The following MIB2 variants were observed in gnomAD, a reference collection of about 807,000 sequenced individuals.
The protein encoded by MIB2 is E3 ubiquitin-protein ligase MIB2.
A neutral mutation model predicts 96.6 loss-of-function variants in MIB2; 78 were observed. The ratio of observed to expected loss-of-function variants is 0.81; its 90% CI spans 0.67 to 0.97. The LOEUF is 0.97. Ranked by LOEUF, MIB2 falls within the 50% of genes least tolerant of loss-of-function variation. The pLI is 0.00. For missense variants in MIB2, 1,543 were observed against 1,424.0 expected (o/e 1.08, Z -1.35); for synonymous variants, 820 against 629.5 (o/e 1.30, Z -4.53).
rs866969028 is a variant in MIB2, at chr1:1,630,308, G to A, written c.2646G>A (p.Ala882=). 5 of 1,519,400 alleles carry A rather than the reference G, an allele frequency of 3.3e-6. No homozygotes were observed. The highest frequency in any genetic ancestry group is 2.1e-4 in the Middle Eastern group (1 of 4,700). 94.1% of individuals were successfully genotyped at this position (1,519,400 alleles called of 1,614,324 possible). The change falls in exon 20 of 20, where the codon GCG becomes GCA. Residue 882 remains alanine, a synonymous_variant. Coordinates refer to ENST00000355826, the MANE Select transcript of MIB2 (RefSeq NM_001170687.4). Reference sequence around the variant, plus strand: ...ACCCCGCAGACGGCTCTGAGGTGGCGAGCGCCGCCCCCGCCCCCGGCCCGC... The same window carrying A: ...ACCCCGCAGACGGCTCTGAGGTGGCAAGCGCCGCCCCCGCCCCCGGCCCGC... ...KKLRPDGSEV[A]SAAPAPGPPR...
At chr1:1,615,742 C>A in intron 1 of MIB2, 109 bp downstream of exon 1, 1 of 1,471,364 alleles carries the variant, frequency 6.8e-7, no homozygotes, top group South Asian at 1.3e-5. Flanking sequence ...GCTGGCCCAG[C>A]AGCCCCGGGC....
chr1:1,626,702 C>G lies in MIB2; in HGVS notation c.1025C>G (p.Thr342Arg). The G allele has an allele frequency of 6.2e-7, 1 of 1,601,808 alleles. No homozygotes were observed. The highest frequency in any genetic ancestry group is 8.5e-7 in the Non-Finnish European group (1 of 1,173,892). ...DVVRVIGDLD[T>R]VKRLQAGHGE... ...GTCCGGGTCATCGGCGACCTTGACA[C>G]AGTGAAGCGGCTGCAGGCTGGGCAT... Residue 342 changes from threonine to arginine, a missense_variant, in exon 9 of 20, where the codon ACA becomes AGA. Thr to Arg is a moderately conservative substitution (Grantham distance 71). Transcript: ENST00000355826. This position sits in a 1 kb window ranked among gnomAD's most constrained non-coding sequence, Gnocchi z 5.3.
chr1:1,628,704 C>T lies in MIB2; in HGVS notation c.2184C>T (p.Pro728=). The T allele has an allele frequency of 1.3e-6, 2 of 1,551,490 alleles. No homozygotes were observed. The highest frequency in any genetic ancestry group is 1.7e-6 in the Non-Finnish European group (2 of 1,148,814). Residue 728 remains proline, a synonymous_variant, in exon 16 of 20, where the codon CCC becomes CCT. Transcript: ENST00000355826. Reference sequence around the variant, plus strand: ...ATGGGGCCGGGGGGGACCCAGGGCCCTTGCAGCTGCTGTCCAGGGTGAGGA... The same window carrying T: ...ATGGGGCCGGGGGGGACCCAGGGCCTTTGCAGCTGCTGTCCAGGGTGAGGA... ...VADGAGGDPG[P]LQLLSRLQAS... is the part of the protein sequence containing the mutation.
In MIB2 at chr1:1,625,229, C is replaced by T; in HGVS notation, c.721+44C>T. On this transcript the variant is annotated intron_variant, in intron 6 of 19. Coordinates refer to ENST00000355826, the MANE Select transcript of MIB2 (RefSeq NM_001170687.4). The surrounding 1 kb of genome is among the most constrained non-coding windows in gnomAD (Gnocchi z 5.0). Reference sequence around the variant, plus strand: ...GACTCCATCAGCCCTCCTGCCTTGGCTGAAGTCCCAGAGGGGAGGGGCCGC... The same window carrying T: ...GACTCCATCAGCCCTCCTGCCTTGGTTGAAGTCCCAGAGGGGAGGGGCCGC... 1 of 1,602,146 alleles carries T rather than the reference C, an allele frequency of 6.2e-7. No homozygotes were observed. The highest frequency in any genetic ancestry group is 8.5e-7 in the Non-Finnish European group (1 of 1,174,476).
rs1644767948 is a variant in MIB2, at chr1:1,626,412, C to T, written c.973-238C>T. On this transcript the variant is annotated intron_variant, in intron 8 of 19. Coordinates refer to ENST00000355826, the MANE Select transcript of MIB2 (RefSeq NM_001170687.4). The surrounding 1 kb of genome is among the most constrained non-coding windows in gnomAD (Gnocchi z 5.3). ...CGGCTTCACACCTGCCCAGAGCTGG[C>T]TTCTGTCTGCCTGGACACTCCTCCC... 1 of 535,506 alleles carries T rather than the reference C, an allele frequency of 1.9e-6. No homozygotes were observed. The highest frequency in any genetic ancestry group is 3.3e-6 in the Non-Finnish European group (1 of 305,220). 33.2% of individuals were successfully genotyped at this position (535,506 alleles called of 1,614,324 possible). A position where few individuals can be genotyped will look rare whatever the true frequency, so the allele number is the denominator to read the frequency against.
At chr1:1,623,241 C>T (rs1569726167) in intron 2 of MIB2, 190 bp from the exon 3 acceptor site, 1 of 992,816 alleles carries the variant, frequency 1.0e-6, no homozygotes, top group Non-Finnish European at 1.4e-6. Flanking sequence ...GCCTTTCCCA[C>T]CGGCCTCCCT....
Position 1,623,683 on chromosome 1 carries a change from C to T in MIB2, c.231C>T (p.Tyr77=), listed in dbSNP as rs757579085. 3.0e-5 allele frequency: 45 copies of T among 1,494,446 alleles called. No individual in the cohort carries two copies. In the East Asian group the frequency reaches 5.2e-4, roughly 17 times the overall value. The allele number at this position is 1,494,446 out of a possible 1,614,324, so 92.6% of individuals were successfully genotyped here. Residue 77 remains tyrosine, a synonymous_variant, in exon 3 of 20, where the codon TAC becomes TAT. Coordinates refer to ENST00000355826, the MANE Select transcript of MIB2 (RefSeq NM_001170687.4). ...GYQGAHDLLL[Y]DNAQIGVRHP... ...AGGGCGCGCACGACCTGCTGCTGTA[C>T]GACAACGCCCAGATCGGTGCGCGCC... is the stretch of plus-strand genomic sequence containing the variant.
At chr1:1,627,954 G>C (rs1425316031) in intron 13 of MIB2, 65 bp from the exon 14 acceptor site, 5 of 1,606,674 alleles carry the variant, frequency 3.1e-6, no homozygotes, top group Non-Finnish European at 3.4e-6. Context: ...GCTGCTCCCT[G>C]GGTGCCCTGG....
rs2100264843 is a variant in MIB2, at chr1:1,615,541, T to G, written c.-222T>G. On this transcript the variant is annotated 5_prime_UTR_variant, in exon 1 of 20. Transcript: ENST00000355826. ...AGTTTCCAGCCGCCGCTCTCCTCAG[T>G]GCCCGGTGGCCCAGGAGGGCCTGGG... 2.0e-6 allele frequency: 3 copies of G among 1,534,780 alleles called. No individual in the cohort carries two copies. The African/African-American group carries it at 4.1e-5, about 21-fold the overall frequency.
In MIB2 at chr1:1,629,493, T is replaced by G. The variant is rs1569896913; in HGVS notation, c.2490T>G (p.Ala830=). The change falls in exon 18 of 20, where the codon GCT becomes GCG. Residue 830 remains alanine (A), a synonymous_variant. Transcript: ENST00000355826. The stretch of plus-strand genomic sequence containing the variant: ...GCGCCGCGCCGGGGCCCGAGGCCGC[T>G]GAGTGCCTGGTGTGCTCCGAGCTGG... ...HVGAAPGPEA[A]ECLVCSELAL... is the part of the protein sequence containing the mutation. The G allele has an allele frequency of 1.3e-6, 2 of 1,533,174 alleles. No homozygotes were observed. Among genetic ancestry groups the G allele is most frequent in the Admixed American group, 3.9e-5 (2 of 50,836 alleles). The allele number at this position is 1,533,174 out of a possible 1,614,324, so 95.0% of individuals were successfully genotyped here. A position where few individuals can be genotyped will look rare whatever the true frequency, so the allele number is the denominator to read the frequency against.
Position 1,630,588 on chromosome 1 carries a change from A to G in MIB2, c.*58A>G. ...GCGTGCCCCCGCCCTGTGTTTTATA[A>G]AAAGAAAGATTCTCGGACGTTGCCT... On this transcript the variant is annotated 3_prime_UTR_variant, in exon 20 of 20. Transcript: ENST00000355826. The G allele has an allele frequency of 8.1e-6, 11 of 1,353,370 alleles. No homozygotes were observed. Among genetic ancestry groups the G allele is most frequent in the Non-Finnish European group, 9.8e-6 (10 of 1,020,050 alleles). The allele number at this position is 1,353,370 out of a possible 1,614,324, so 83.8% of individuals were successfully genotyped here.
chr1:1,627,170 C>G lies in MIB2; in HGVS notation c.1337C>G (p.Ala446Gly). The G allele has an allele frequency of 1.3e-6, 2 of 1,591,328 alleles. No individual in the cohort carries two copies. Among genetic ancestry groups the G allele is most frequent in the Non-Finnish European group, 1.7e-6 (2 of 1,169,674 alleles). ...GTGGAGGTGGCGCTGGGTAACGCAG[C>G]CCGGGCTCTGGACCTGCTGCGGAGG... ...LVVEVALGNAARALDLLRRRP... is the reference protein window; with the variant it reads ...LVVEVALGNAGRALDLLRRRP... The change falls in exon 11 of 20, where the codon GCC becomes GGC. Residue 446 changes from alanine (A) to glycine (G), a missense_variant. Transcript: ENST00000355826.
Position 1,630,545 on chromosome 1 carries a change from C to G in MIB2, c.*15C>G, listed in dbSNP as rs1361836373. On this transcript the variant is annotated 3_prime_UTR_variant, in exon 20 of 20. Coordinates refer to ENST00000355826, the MANE Select transcript of MIB2 (RefSeq NM_001170687.4). ...TCTTCGTGTGAGCCGCGCCGTCCGCCGCGCCCGAGCTGCCTTCGCGTGCCC... is the reference window on the plus strand; with the variant it reads ...TCTTCGTGTGAGCCGCGCCGTCCGCGGCGCCCGAGCTGCCTTCGCGTGCCC... 2 of 1,541,574 alleles carry G rather than the reference C, an allele frequency of 1.3e-6. No homozygotes were observed. The highest frequency in any genetic ancestry group is 1.2e-5 in the South Asian group (1 of 83,542).
At position 1,623,631 on chromosome 1, in the gene MIB2, C is replaced by T. The variant is rs764749915; in HGVS notation, c.179C>T (p.Thr60Met). 53 of 1,480,452 alleles carry T rather than the reference C, an allele frequency of 3.6e-5. No individual in the cohort carries two copies. The highest frequency in any genetic ancestry group is 7.0e-5 in the African/African-American group (5 of 71,180). The allele number at this position is 1,480,452 out of a possible 1,614,324, so 91.7% of individuals were successfully genotyped here. ...RTVVVQWDQG[T>M]RTNYRAGYQG... ...GTGGTCGTGCAGTGGGACCAGGGCA[C>T]GCGCACCAACTACCGCGCCGGCTAC... Residue 60 changes from threonine to methionine, a missense_variant, in exon 3 of 20, where the codon ACG becomes ATG. Thr to Met is a moderately conservative substitution (Grantham distance 81, BLOSUM62 -1). Coordinates refer to ENST00000355826, the MANE Select transcript of MIB2 (RefSeq NM_001170687.4).
At position 1,627,407 on chromosome 1, in the gene MIB2, G is replaced by T. The variant is rs778730319; in HGVS notation, c.1486G>T (p.Asp496Tyr). ...QARAGVDLPD[D>Y]EGNTALHYAA... Reference sequence around the variant, plus strand: ...CAGGGCGGGCGTGGACCTGCCGGACGACGAGGGCAACACGGCACTGCACTA... The same window carrying T: ...CAGGGCGGGCGTGGACCTGCCGGACTACGAGGGCAACACGGCACTGCACTA... The change falls in exon 12 of 20, where the codon GAC becomes TAC. Residue 496 changes from aspartate to tyrosine, a missense_variant. Transcript: ENST00000355826. 1.2e-6 allele frequency: 2 copies of T among 1,612,902 alleles called. No individual in the cohort carries two copies. The highest frequency in any genetic ancestry group is 2.2e-5 in the South Asian group (2 of 91,074).
At chr1:1,613,930 GAT>G (rs1643388720), upstream of MIB2, 2 of 152,208 alleles carry the variant, frequency 1.3e-5, no homozygotes, top group Admixed American at 6.5e-5. Flanking sequence ...AGACACAACG[GAT>G]GTGTTTGAGC....
In MIB2 at chr1:1,624,862, G is replaced by A; in HGVS notation, c.487G>A (p.Val163Met). 1 of 1,613,158 alleles carries A rather than the reference G, an allele frequency of 6.2e-7. No individual in the cohort carries two copies. The highest frequency in any genetic ancestry group is 8.5e-7 in the Non-Finnish European group (1 of 1,179,998). Reference sequence around the variant, plus strand: ...AAGGGGCATCTTCCAGGGAGCGAAGGTGGTGCGAGGCCCCGACTGGGAGTG... The same window carrying A: ...AAGGGGCATCTTCCAGGGAGCGAAGATGGTGCGAGGCCCCGACTGGGAGTG... Reference protein sequence around the residue: ...PLRGIFQGAKVVRGPDWEWGS... With the variant: ...PLRGIFQGAKMVRGPDWEWGS... Residue 163 changes from valine to methionine, a missense_variant, in exon 5 of 20, where the codon GTG becomes ATG. By Grantham distance (21) the Val-to-Met change is conservative (BLOSUM62 1). Coordinates refer to ENST00000355826, the MANE Select transcript of MIB2 (RefSeq NM_001170687.4).
chr1:1,627,262 G>T (rs773925127), intron 11 of MIB2, 34 bp from the exon 12 acceptor site: 2 of 1,613,056 alleles, frequency 1.2e-6, no homozygotes, highest in Non-Finnish European at 1.7e-6. Context: ...GAGGGGCAGA[G>T]GGCCAGGGAC....
At chr1:1,624,157 C>T (rs1348752508) in intron 4 of MIB2, 3 of 599,232 alleles carry the variant, frequency 5.0e-6, no homozygotes, top group Admixed American at 3.1e-5. Flanking sequence ...ATCAGGCAGC[C>T]AGCATCCCCC....
Sources: gnomAD v4.1 joint callset for allele counts on GRCh38, gnomAD v4.1.1 for gene constraint, Gnocchi (gnomAD v3.1) non-coding constraint, MANE v1.5 for transcripts, NCBI Gene and HGNC (gene_info 2026-07-23, HGNC 2026-07-21) for gene names.